Variants in KMT2C observed in about 807,000 individuals in gnomAD.
KMT2C encodes histone-lysine N-methyltransferase 2C.
Under a neutral mutation model 507.9 loss-of-function variants are expected in KMT2C, and 88 were observed. The observed-to-expected ratio is 0.17, with a 90% CI of 0.15 to 0.21. KMT2C has a LOEUF of 0.21. Among genes scored for constraint, KMT2C ranks in the 10% least tolerant of loss-of-function variants. KMT2C has a pLI of 1.00. For synonymous variants in KMT2C, 2,049 were observed against 2,080.8 expected, an observed-to-expected ratio of 0.98 and a Z score of 0.42; for missense variants, 4,954 against 5,957.8, an observed-to-expected ratio of 0.83 and a Z score of 5.55.
chr7:152,291,546 C>T (rs200368508), intron 6 of KMT2C, among the ~76,000 whole-genome samples: 684 of 123,686 alleles, frequency 5.5e-3, no homozygotes, highest in African/African-American at 0.015. Flanking sequence ...CGCATCTTAG[C>T]GGATTCCACT....
chr7:152,432,011 A>G (rs1254747816), intron 1 of KMT2C, among the ~76,000 whole-genome samples: 1 of 152,202 alleles, frequency 6.6e-6, no homozygotes, highest in Non-Finnish European at 1.5e-5. Flanking sequence ...CAACCTAGCC[A>G]TTTTTGCTGG....
chr7:152,384,766 T>G (rs931396834), intron 1 of KMT2C, among the ~76,000 whole-genome samples: 2 of 152,310 alleles, frequency 1.3e-5, no homozygotes, highest in African/African-American at 4.8e-5. Context: ...ACCTACTGAT[T>G]ACACTGGAAA....
At chr7:152,202,529 A>G (rs1017646255) in intron 26 of KMT2C, among the ~76,000 whole-genome samples, 7 of 152,226 alleles carry the variant, frequency 4.6e-5, no homozygotes, top group African/African-American at 1.7e-4. Flanking sequence ...TATTAAAGCT[A>G]TAACTTTGGC....
At chr7:152,276,135 A>T (rs948389052) in intron 6 of KMT2C, among the ~76,000 whole-genome samples, 2 of 152,234 alleles carry the variant, frequency 1.3e-5, no homozygotes, top group African/African-American at 2.4e-5. Context: ...AAGAAGGAAA[A>T]TAAAACACTA....
chr7:152,241,354 C>T (rs2095380006), intron 14 of KMT2C, among the ~76,000 whole-genome samples: 1 of 152,220 alleles, frequency 6.6e-6, no homozygotes, highest in African/African-American at 2.4e-5. Flanking sequence ...GCATGCGCCA[C>T]CAGGCCCAGC....
intron 9 of KMT2C, among the ~76,000 whole-genome samples, chr7:152,255,157 A>ATATATATATGTG (rs767823858): frequency 4.7e-5 from 6 of 128,378 alleles, no homozygotes; most frequent in African/African-American, 1.2e-4. Context: ...ATATATATAT[A>ATATATATATGTG]TGTGTGTGTG....
intron 15 of KMT2C, among the ~76,000 whole-genome samples, chr7:152,236,324 G>A (rs571025385): frequency 6.6e-6 from 1 of 152,302 alleles, no homozygotes; most frequent in East Asian, 1.9e-4. Flanking sequence ...TGGTCTCGCG[G>A]TGATTACAAT....
chr7:152,243,765 G>C (rs1352148536), intron 14 of KMT2C, among the ~76,000 whole-genome samples: 1 of 152,050 alleles, frequency 6.6e-6, no homozygotes, highest in East Asian at 1.9e-4. Context: ...CTGGGCAACA[G>C]AGCAAGACTC....
intron 1 of KMT2C, among the ~76,000 whole-genome samples, chr7:152,417,262 G>A (rs902484434): frequency 1.3e-5 from 2 of 151,986 alleles, no homozygotes; most frequent in Non-Finnish European, 2.9e-5. Flanking sequence ...GGGATTACAG[G>A]TGCCCACCAC....
chr7:152,201,617 GAAAAAA>G (rs745427209), intron 26 of KMT2C, among the ~76,000 whole-genome samples: 9 of 22,874 alleles, frequency 3.9e-4, no homozygotes, highest in African/African-American at 7.4e-4. Context: ...CAACAAAGAT[GAAAAAA>G]AAAAAAAAAA....
In KMT2C at chr7:152,183,017, T is replaced by G; in HGVS notation, c.5222A>C (p.Lys1741Thr). ...CTGTTCATGTTCTGATTCTCTTTGC[T>G]TTAAAGGATCTTTAAAAAGCTCCGA... The part of the protein sequence containing the change: ...IDSELFKDPL[K>T]QRESEHEQEW... The change falls in exon 35 of 59, where the codon AAG becomes ACG. Residue 1741 changes from lysine to threonine, a missense_variant. Physicochemically the swap from Lys to Thr is moderately conservative, Grantham distance 78. Transcript: ENST00000262189. 1 of 1,609,286 alleles carries G rather than the reference T, an allele frequency of 6.2e-7. No individual in the cohort carries two copies. The highest frequency in any genetic ancestry group is 2.2e-5 in the East Asian group (1 of 44,822).
chr7:152,270,031 T>C (rs1261155081), intron 7 of KMT2C, among the ~76,000 whole-genome samples: 3 of 152,208 alleles, frequency 2.0e-5, no homozygotes, highest in African/African-American at 4.8e-5. Context: ...AAAGTCAAAA[T>C]AGCTGTCATA....
rs571352097 is a variant in KMT2C at position 152,409,466 on chromosome 7, C to T, written c.161+26160G>A. Among the ~76,000 whole-genome samples the T allele has an allele frequency of 3.3e-5, 5 of 151,550 alleles. No homozygotes were observed. The South Asian group carries it at 8.3e-4, about 25-fold the overall frequency. Reference sequence around the variant, plus strand: ...GGTGCAGTGGCTCACGCCTGTAATCCCAGCATTTTGGGAGGCCGAGGCAGG... The same window carrying T: ...GGTGCAGTGGCTCACGCCTGTAATCTCAGCATTTTGGGAGGCCGAGGCAGG... On this transcript the variant is annotated intron_variant, in intron 1 of 58. Coordinates refer to ENST00000262189, the MANE Select transcript of KMT2C (RefSeq NM_170606.3).
At position 152,180,088 on chromosome 7, in the gene KMT2C, C is replaced by G. The variant is rs773147290; in HGVS notation, c.7188G>C (p.Gln2396His). The change falls in exon 37 of 59, where the codon CAG (glutamine) becomes CAC (histidine). Residue 2396 changes from glutamine to histidine, a missense_variant. By Grantham distance (24) the Gln-to-His change is conservative. Around this residue, in one of 29 missense-constraint regions of KMT2C, gnomAD observed 1,689 missense variants for 1,654.3 expected, o/e 1.02. Coordinates refer to ENST00000262189, the MANE Select transcript of KMT2C (RefSeq NM_170606.3). Reference protein sequence around the residue: ...KLREIILQQQQQKKIAGRQEK... With the variant: ...KLREIILQQQHQKKIAGRQEK... ...CCTGTCGACCTGCAATCTTCTTCTG[C>G]TGTTGCTGCTGGAGAATGATTTCAC... 8.1e-6 allele frequency: 13 copies of G among 1,614,048 alleles called. No homozygotes were observed. In the African/African-American group the frequency reaches 1.7e-4, roughly 22 times the overall value.
At chr7:152,400,818 C>G (rs902517468) in intron 1 of KMT2C, among the ~76,000 whole-genome samples, 1 of 105,972 alleles carries the variant, frequency 9.4e-6, no homozygotes, top group Non-Finnish European at 1.8e-5. Flanking sequence ...AAGTTCAGCA[C>G]AAAAACAAGG....
chr7:152,188,388 A>C (rs2093685378), intron 31 of KMT2C, among the ~76,000 whole-genome samples: 1 of 152,140 alleles, frequency 6.6e-6, no homozygotes, highest in African/African-American at 2.4e-5. Flanking sequence ...ATTTGGGTTA[A>C]TTGAGATAAT....
At chr7:152,368,102 G>T in intron 1 of KMT2C, 1 of 929,324 alleles carries the variant, frequency 1.1e-6, no homozygotes, top group Admixed American at 1.7e-5. Context: ...TGGTAAGCTA[G>T]TAATACTATC....
At chr7:152,210,354 T>A (rs956837829) in intron 23 of KMT2C, among the ~76,000 whole-genome samples, 1 of 152,162 alleles carries the variant, frequency 6.6e-6, no homozygotes, top group African/African-American at 2.4e-5. Context: ...ATTCCTTTTT[T>A]AAAAAATAAA....
chr7:152,266,381 C>T (rs1021182709), intron 7 of KMT2C, among the ~76,000 whole-genome samples: 6 of 151,926 alleles, frequency 3.9e-5, no homozygotes, highest in African/African-American at 1.5e-4. Context: ...AGTAGCTGGG[C>T]TTACAGGCGT....
Sources: gnomAD v4.1 joint callset for allele counts (sites outside exome capture counted in the v4.1 genomes callset) on GRCh38, gnomAD v4.1.1 for gene constraint, gnomAD v4.1.1 regional missense constraint, MANE v1.5 for transcripts, NCBI Gene and HGNC (gene_info 2026-07-23, HGNC 2026-07-21) for gene names.